SYT11: variants seen among roughly 807,000 people sequenced by gnomAD.
SYT11 encodes synaptotagmin-11.
In SYT11, 12 loss-of-function variants were observed where a neutral mutation model predicts 30.4. That is an observed-to-expected ratio of 0.39 (90% CI 0.25 to 0.64). SYT11 has a LOEUF of 0.64. Among genes scored for constraint, SYT11 ranks in the 30% least tolerant of loss-of-function variants. The pLI is 0.45. For missense variants in SYT11, 412 were observed against 552.0 expected (o/e 0.75, Z 2.54); for synonymous variants, 204 against 216.0 (o/e 0.94, Z 0.49).
chr1:155,877,718 T>G (rs1094558), intron 2 of SYT11, among the ~76,000 whole-genome samples: 124,783 of 151,742 alleles, frequency 0.82, 53,652 homozygotes, highest in East Asian at 0.94. Context: ...CACGCCCGGC[T>G]AATTTTTTTG....
At chr1:155,878,740 G>A (rs987298883) in intron 2 of SYT11, among the ~76,000 whole-genome samples, 2 of 151,628 alleles carry the variant, frequency 1.3e-5, no homozygotes, top group African/African-American at 4.8e-5. Context: ...GGTGGCGGGC[G>A]CCTGTAGTCC....
intron 2 of SYT11, among the ~76,000 whole-genome samples, chr1:155,871,473 TG>T (rs1672780261): frequency 6.6e-6 from 1 of 152,200 alleles, no homozygotes; most frequent in South Asian, 2.1e-4. Flanking sequence ...AGCCCAAGGC[TG>T]GGAGTAGAAC....
chr1:155,866,064 C>T (rs1672667388), intron 1 of SYT11, among the ~76,000 whole-genome samples: 1 of 148,794 alleles, frequency 6.7e-6, no homozygotes, highest in Admixed American at 6.7e-5. Context: ...AAAGATAAGA[C>T]TAGGGTAAGG....
At chr1:155,869,730 T>C (rs1395087142) in intron 2 of SYT11, among the ~76,000 whole-genome samples, 6 of 152,172 alleles carry the variant, frequency 3.9e-5, no homozygotes, top group Admixed American at 3.9e-4. Flanking sequence ...CCATCCTGCC[T>C]TCTCTCTCCC....
chr1:155,877,752 T>G (rs1192757084), intron 2 of SYT11, among the ~76,000 whole-genome samples: 1 of 151,812 alleles, frequency 6.6e-6, no homozygotes, highest in Non-Finnish European at 1.5e-5. Flanking sequence ...GATACCAGGT[T>G]TCACCGTGTT....
At chr1:155,866,991 CATAT>C (rs56674549) in intron 1 of SYT11, among the ~76,000 whole-genome samples, 20 of 79,954 alleles carry the variant, frequency 2.5e-4, no homozygotes, top group East Asian at 8.4e-4. Flanking sequence ...CACACACACA[CATAT>C]ATATATATAC....
intron 2 of SYT11, among the ~76,000 whole-genome samples, chr1:155,871,092 A>G (rs1349903821): frequency 6.6e-6 from 1 of 152,214 alleles, no homozygotes; most frequent in Non-Finnish European, 1.5e-5. Context: ...GGTGAACGTC[A>G]GAGCATAAAC....
In SYT11 at chr1:155,875,109, C is replaced by T. The variant is rs192048275; in HGVS notation, c.862-5391C>T. On this transcript the variant is annotated intron_variant, in intron 2 of 3. Transcript: ENST00000368324. ...CTTTACTAAAAATACAAAAATTACC[C>T]GGGCATGGTGACATGTGCCTGTAGT... Among the ~76,000 whole-genome samples, 6 of 147,978 alleles carry T rather than the reference C, an allele frequency of 4.1e-5. 1 individual carries two copies. Among genetic ancestry groups the T allele is most frequent in the Non-Finnish European group, 7.5e-5 (5 of 66,542 alleles).
intron 2 of SYT11, among the ~76,000 whole-genome samples, chr1:155,878,698 T>C (rs547294468): frequency 4.0e-4 from 60 of 151,480 alleles, no homozygotes; most frequent in Non-Finnish European, 7.1e-4. Context: ...GCCCCGTCTC[T>C]ACTAAAAATA....
chr1:155,866,106 TTTTTTTTTTC>T (rs1484398379), intron 1 of SYT11, among the ~76,000 whole-genome samples: 1 of 123,516 alleles, frequency 8.1e-6, no homozygotes, highest in East Asian at 2.6e-4. Context: ...TCTCTTTCTC[TTTTTTTTTTC>T]TTTTTTTTTT....
intron 1 of SYT11, among the ~76,000 whole-genome samples, chr1:155,862,365 A>G (rs1343082320): frequency 6.6e-6 from 1 of 152,238 alleles, no homozygotes; most frequent in Non-Finnish European, 1.5e-5. Flanking sequence ...AGGTTTTAAT[A>G]TCTTTGATGA....
chr1:155,868,262 G>C lies in SYT11; in HGVS notation c.332G>C (p.Arg111Thr), dbSNP rs368735654. 2.5e-6 allele frequency: 4 copies of C among 1,614,084 alleles called. No homozygotes were observed. The highest frequency in any genetic ancestry group is 2.5e-6 in the Non-Finnish European group (3 of 1,180,000). ...CTGCTAAGCCGAGACAAAGATCCCA[G>C]GGGGCCTAGCTCTGGATCTTGTATA... Reference protein sequence around the residue: ...AGLLSRDKDPRGPSSGSCIDQ... With the variant: ...AGLLSRDKDPTGPSSGSCIDQ... The change falls in exon 2 of 4, where the codon AGG becomes ACG. Residue 111 changes from arginine to threonine, a missense_variant. By Grantham distance (71) the Arg-to-Thr change is moderately conservative. Coordinates refer to ENST00000368324, the MANE Select transcript of SYT11 (RefSeq NM_152280.5). This position sits in a 1 kb window ranked among gnomAD's most constrained non-coding sequence, Gnocchi z 4.7.
intron 2 of SYT11, among the ~76,000 whole-genome samples, chr1:155,879,898 A>G (rs1672933563): frequency 6.6e-6 from 1 of 152,218 alleles, no homozygotes; most frequent in African/African-American, 2.4e-5. Flanking sequence ...CCAAGGTCAC[A>G]GATAAGAAAT....
At chr1:155,878,897 A>AAATT (rs1039897488) in intron 2 of SYT11, among the ~76,000 whole-genome samples, 1 of 151,294 alleles carries the variant, frequency 6.6e-6, no homozygotes, top group East Asian at 1.9e-4. Flanking sequence ...ATAAATAAAT[A>AAATT]AATTAATTAA....
At chr1:155,863,727 C>T (rs112414573) in intron 1 of SYT11, among the ~76,000 whole-genome samples, 7,679 of 152,056 alleles carry the variant, frequency 0.051, 224 homozygotes, top group African/African-American at 0.059. Flanking sequence ...TCGAGACCAG[C>T]GTGGCCAATA....
chr1:155,865,751 C>G (rs1389670457), intron 1 of SYT11, among the ~76,000 whole-genome samples: 1 of 151,842 alleles, frequency 6.6e-6, no homozygotes, highest in African/African-American at 2.4e-5. Flanking sequence ...GATTTTAACT[C>G]ACTGCAACCT....
intron 2 of SYT11, among the ~76,000 whole-genome samples, chr1:155,869,433 G>A (rs1672748048): frequency 6.6e-6 from 1 of 151,832 alleles, no homozygotes; most frequent in African/African-American, 2.4e-5. Context: ...ACCACGCCTG[G>A]CTAATTTTTT....
At chr1:155,873,236 G>T (rs955949582) in intron 2 of SYT11, among the ~76,000 whole-genome samples, 2 of 152,112 alleles carry the variant, frequency 1.3e-5, no homozygotes, top group Non-Finnish European at 2.9e-5. Flanking sequence ...GACCATCCTG[G>T]CCAACATGGT....
rs1672565606 is a variant in SYT11, at chr1:155,860,732, A to G, written c.34+937A>G. Among the ~76,000 whole-genome samples, 1 of 152,068 alleles carries G rather than the reference A, an allele frequency of 6.6e-6. No homozygotes were observed. On this transcript the variant is annotated intron_variant, in intron 1 of 3. Transcript: ENST00000368324. This position sits in a 1 kb window ranked among gnomAD's most constrained non-coding sequence, Gnocchi z 4.1. ...CTGTGGGCTCCAAGATTAGTTTTAC[A>G]CTCTCTGGAGCAGAAAGTGGAGTGG...
Sources: allele counts gnomAD v4.1 joint callset (sites outside exome capture counted in the v4.1 genomes callset), GRCh38; gene constraint gnomAD v4.1.1; non-coding constraint Gnocchi (gnomAD v3.1); transcripts MANE v1.5; gene names NCBI Gene and HGNC (gene_info 2026-07-23, HGNC 2026-07-21).